Variants in MACROD2 observed in about 807,000 individuals in gnomAD.
MACROD2 encodes the protein mono-ADP ribosylhydrolase 2.
MACROD2 carries 36 observed loss-of-function variants against 70.4 expected under a neutral mutation model. That is an observed-to-expected ratio of 0.51 (90% CI 0.39 to 0.68). The LOEUF (loss-of-function observed/expected upper bound fraction) is 0.68, where lower values mean the gene tolerates loss of function less well. Ranked by LOEUF, MACROD2 falls within the 30% of genes least tolerant of loss-of-function variation. The probability of loss-of-function intolerance (pLI) is 0.00; values close to 1 mark genes in which losing one functional copy is unlikely to be tolerated. For synonymous variants in MACROD2, 172 were observed against 178.8 expected (o/e 0.96, Z 0.30); for missense variants, 496 against 538.4 (o/e 0.92, Z 0.78).
At chr20:14,389,055 T>C (rs938213204) in intron 3 of MACROD2, among the ~76,000 whole-genome samples, 1 of 151,998 alleles carries the variant, frequency 6.6e-6, no homozygotes, top group East Asian at 1.9e-4. Flanking sequence ...TTTTTTTGTA[T>C]TTTTAGTAGA....
chr20:15,415,774 C>T (rs1325180154), intron 6 of MACROD2, among the ~76,000 whole-genome samples: 1 of 152,190 alleles, frequency 6.6e-6, no homozygotes, highest in Non-Finnish European at 1.5e-5. Flanking sequence ...TTCCATCCAT[C>T]ATCCATATAT....
At chr20:15,997,110 G>T (rs1324099492) in intron 15 of MACROD2, among the ~76,000 whole-genome samples, 3 of 152,118 alleles carry the variant, frequency 2.0e-5, no homozygotes, top group Non-Finnish European at 2.9e-5. Flanking sequence ...CTATAGCTTT[G>T]AAATGTAGTT....
intron 5 of MACROD2, among the ~76,000 whole-genome samples, chr20:14,983,175 A>G (rs1035690243): frequency 1.3e-5 from 2 of 152,134 alleles, no homozygotes; most frequent in African/African-American, 4.8e-5. Flanking sequence ...AATTTCTCCC[A>G]TTTGGATCAG....
chr20:14,368,769 A>G (rs538428141), intron 3 of MACROD2, among the ~76,000 whole-genome samples: 1 of 152,292 alleles, frequency 6.6e-6, no homozygotes, highest in South Asian at 2.1e-4. Context: ...GTGTCTTGAT[A>G]GAGAATAACT....
chr20:15,761,522 A>T (rs551981592), intron 8 of MACROD2, among the ~76,000 whole-genome samples: 7 of 152,298 alleles, frequency 4.6e-5, no homozygotes, highest in African/African-American at 1.7e-4. Flanking sequence ...TGAGGGGGAG[A>T]AAAAGGCTAT....
intron 3 of MACROD2, among the ~76,000 whole-genome samples, chr20:14,181,068 A>ATTTTT (rs59164079): frequency 7.3e-5 from 10 of 136,644 alleles, no homozygotes; most frequent in African/African-American, 1.1e-4. Context: ...CTGTCATTAC[A>ATTTTT]TTTTTTTTTT....
chr20:15,066,972 A>T (rs754751984), intron 5 of MACROD2, among the ~76,000 whole-genome samples: 15 of 152,168 alleles, frequency 9.9e-5, no homozygotes, highest in Admixed American at 2.0e-4. Flanking sequence ...TAACAATCAT[A>T]TACTACAGTC....
At chr20:14,092,690 A>G (rs1156570152) in intron 3 of MACROD2, among the ~76,000 whole-genome samples, 1 of 152,200 alleles carries the variant, frequency 6.6e-6, no homozygotes, top group Non-Finnish European at 1.5e-5. Context: ...TTTGAAATCT[A>G]TAAATAGGGA....
chr20:14,025,471 G>T (rs1489523200), intron 2 of MACROD2, among the ~76,000 whole-genome samples: 1 of 152,048 alleles, frequency 6.6e-6, no homozygotes. Context: ...ACTTTCTCCT[G>T]TGGGCATTTA....
chr20:15,248,349 C>T (rs1021392276), intron 6 of MACROD2, among the ~76,000 whole-genome samples: 10 of 152,156 alleles, frequency 6.6e-5, no homozygotes, highest in Admixed American at 6.5e-4. Flanking sequence ...AGGATGCTTG[C>T]CTCTCAGCTT....
chr20:14,790,938 A>G (rs1440393875), intron 5 of MACROD2, among the ~76,000 whole-genome samples: 2 of 152,044 alleles, frequency 1.3e-5, no homozygotes, highest in Non-Finnish European at 2.9e-5. Flanking sequence ...GCAGAGAAAA[A>G]GAGAGACCTA....
intron 4 of MACROD2, among the ~76,000 whole-genome samples, chr20:14,622,362 TA>T (rs199955749): frequency 2.6e-5 from 4 of 151,500 alleles, no homozygotes; most frequent in Admixed American, 6.6e-5. Flanking sequence ...CACACCTTTT[TA>T]AAAAAAAATG....
chr20:14,969,401 C>T (rs979354459), intron 5 of MACROD2, among the ~76,000 whole-genome samples: 80 of 135,798 alleles, frequency 5.9e-4, no homozygotes, highest in African/African-American at 2.1e-3. Flanking sequence ...CACACACACA[C>T]ATATATAAGC....
chr20:14,495,401 C>T (rs1015369095), intron 4 of MACROD2, among the ~76,000 whole-genome samples: 3 of 152,174 alleles, frequency 2.0e-5, no homozygotes, highest in Non-Finnish European at 2.9e-5. Context: ...GGCTCCCAAA[C>T]ATGAGTCAGT....
At position 14,476,512 on chromosome 20, in the gene MACROD2, C is replaced by T. The variant is rs148510566; in HGVS notation, c.272-16967C>T. ...CTGGGATTACAAGTATGCACCACCACGCCCAGCTAACTTTTTGTATTTTTA... is the reference window on the plus strand; with the variant it reads ...CTGGGATTACAAGTATGCACCACCATGCCCAGCTAACTTTTTGTATTTTTA... On this transcript the variant is annotated intron_variant, in intron 3 of 17. Coordinates refer to ENST00000684519, the MANE Select transcript of MACROD2 (RefSeq NM_001351661.2). 3.3e-5 allele frequency among the ~76,000 whole-genome samples: 5 copies of T among 152,284 alleles called. No individual in the cohort carries two copies. The East Asian group carries it at 7.7e-4, about 24-fold the overall frequency.
chr20:14,874,564 G>A (rs1283547492), intron 5 of MACROD2, among the ~76,000 whole-genome samples: 1 of 151,780 alleles, frequency 6.6e-6, no homozygotes, highest in Non-Finnish European at 1.5e-5. Context: ...TTTGCTTCAG[G>A]TTATCATCAT....
chr20:15,602,925 C>G (rs1193164014), intron 8 of MACROD2, among the ~76,000 whole-genome samples: 1 of 129,826 alleles, frequency 7.7e-6, no homozygotes, highest in Non-Finnish European at 1.6e-5. Context: ...GAAAATTTAA[C>G]CAATGCCCAT....
intron 5 of MACROD2, among the ~76,000 whole-genome samples, chr20:15,226,138 T>C (rs2076904182): frequency 6.6e-6 from 1 of 152,180 alleles, no homozygotes; most frequent in South Asian, 2.1e-4. Context: ...AAAATGTTAT[T>C]CTGATTTATT....
intron 10 of MACROD2, among the ~76,000 whole-genome samples, chr20:15,932,731 C>G (rs972128642): frequency 1.3e-5 from 2 of 152,120 alleles, no homozygotes; most frequent in Non-Finnish European, 1.5e-5. Context: ...CTTCATTGCA[C>G]CTGACCAGTT....
Sources: gnomAD v4.1 joint callset for allele counts (sites outside exome capture counted in the v4.1 genomes callset) on GRCh38, gnomAD v4.1.1 for gene constraint, MANE v1.5 for transcripts, NCBI Gene and HGNC (gene_info 2026-07-23, HGNC 2026-07-21) for gene names.